The following TPP2 variants were observed in gnomAD, a reference collection of about 807,000 sequenced individuals.
TPP2 encodes the protein tripeptidyl peptidase 2.
Under a neutral mutation model 155.9 loss-of-function variants are expected in TPP2, and 34 were observed. The observed-to-expected ratio is 0.22, with a 90% CI of 0.17 to 0.29. TPP2 has a LOEUF of 0.29. Ranked by LOEUF, TPP2 falls within the 10% of genes least tolerant of loss-of-function variation. The pLI, the probability that TPP2 is intolerant of heterozygous loss-of-function variation, is 1.00. For missense variants in TPP2, 1,028 were observed against 1,522.3 expected (o/e 0.68, Z 5.40); for synonymous variants, 510 against 529.4 (o/e 0.96, Z 0.50).
rs375925353 is a variant in TPP2 at position 102,597,130 on chromosome 13, C to T, written c.92C>T (p.Pro31Leu). The change falls in exon 1 of 30, where the codon CCG becomes CTG. Residue 31 changes from proline to leucine, a missense_variant. Pro to Leu is a moderately conservative substitution (Grantham distance 98). Transcript: ENST00000376052. ...GCCGCCTCCTTCCTCTGCCGCTACCCGGAGTATGATGGGCGGGGGGTGCTC... is the reference window on the plus strand; with the variant it reads ...GCCGCCTCCTTCCTCTGCCGCTACCTGGAGTATGATGGGCGGGGGGTGCTC... ...TGAASFLCRY[P>L]EYDGRGVLIA... 1.6e-4 allele frequency: 265 copies of T among 1,610,440 alleles called. No homozygotes were observed. In the Admixed American group the frequency reaches 1.7e-3, roughly 10 times the overall value.
intron 6 of TPP2, among the ~76,000 whole-genome samples, chr13:102,624,043 G>A (rs1881370161): frequency 1.3e-5 from 2 of 152,098 alleles, no homozygotes; most frequent in South Asian, 2.1e-4. Context: ...ACAGAGGGCC[G>A]AATGTATTAT....
At chr13:102,638,450 A>G (rs1253244401) in intron 15 of TPP2, 135 bp downstream of exon 15, 10 of 930,862 alleles carry the variant, frequency 1.1e-5, no homozygotes, top group Admixed American at 4.1e-5. Context: ...GCTCCCAGCT[A>G]GCATTTTTAG....
intron 24 of TPP2, among the ~76,000 whole-genome samples, chr13:102,653,892 G>T (rs1883673352): frequency 6.6e-6 from 1 of 152,180 alleles, no homozygotes; most frequent in Non-Finnish European, 1.5e-5. Context: ...GGTTTGGCAG[G>T]TGAGTTTGAC....
intron 27 of TPP2, among the ~76,000 whole-genome samples, chr13:102,667,520 A>G (rs1039476389): frequency 1.3e-5 from 2 of 152,228 alleles, no homozygotes; most frequent in Non-Finnish European, 1.5e-5. Flanking sequence ...TTAAATAAAT[A>G]TTTCAAATTG....
intron 27 of TPP2, among the ~76,000 whole-genome samples, chr13:102,673,963 G>A (rs661577): frequency 0.81 from 123,781 of 152,212 alleles, 50,803 homozygotes; most frequent in African/African-American, 0.9. Context: ...CTCAAAAGTC[G>A]TTTACCTGAT....
chr13:102,665,038 A>G, intron 27 of TPP2, 113 bp downstream of exon 27: 8 of 1,293,840 alleles, frequency 6.2e-6, no homozygotes, highest in Non-Finnish European at 7.4e-6. Context: ...TTATATCCTT[A>G]TAATGGGAAT....
At chr13:102,646,236 A>G in intron 19 of TPP2, 58 bp from the exon 20 acceptor site, 1 of 1,433,286 alleles carries the variant, frequency 7.0e-7, no homozygotes. Context: ...ATATGGTTTT[A>G]TTTGTCTCAT....
intron 15 of TPP2, among the ~76,000 whole-genome samples, chr13:102,638,599 T>C (rs1882546075): frequency 6.6e-6 from 1 of 152,174 alleles, no homozygotes; most frequent in African/African-American, 2.4e-5. Flanking sequence ...AGAGGATAAC[T>C]CAGGCTTCGT....
At chr13:102,636,420 C>A in intron 13 of TPP2, 28 bp downstream of exon 13, 1 of 1,592,042 alleles carries the variant, frequency 6.3e-7, no homozygotes, top group Non-Finnish European at 8.5e-7. Context: ...AGTAAGCTGA[C>A]GTATTCACAT....
At chr13:102,634,156 A>G in intron 11 of TPP2, 58 bp downstream of exon 11, 1 of 1,603,922 alleles carries the variant, frequency 6.2e-7, no homozygotes, top group East Asian at 2.2e-5. Flanking sequence ...TGTTTTCTGA[A>G]GCTCTCATGG....
At chr13:102,647,168 T>C (rs1405731094) in intron 20 of TPP2, 39 bp from the exon 21 acceptor site, 2 of 1,553,014 alleles carry the variant, frequency 1.3e-6, no homozygotes, top group East Asian at 2.3e-5. Flanking sequence ...AGAAATTATA[T>C]GCAAATCATG....
chr13:102,609,826 G>A (rs752345964), intron 2 of TPP2, among the ~76,000 whole-genome samples: 7 of 152,064 alleles, frequency 4.6e-5, no homozygotes, highest in African/African-American at 7.2e-5. Flanking sequence ...GTTATATTTC[G>A]ACATGCGATT....
intron 27 of TPP2, among the ~76,000 whole-genome samples, chr13:102,672,607 T>C (rs1885051976): frequency 6.6e-6 from 1 of 152,146 alleles, no homozygotes; most frequent in Admixed American, 6.5e-5. Context: ...GTCAACCCAT[T>C]GCTGTTCCAA....
intron 16 of TPP2, among the ~76,000 whole-genome samples, chr13:102,641,844 A>T (rs1478029752): frequency 6.6e-6 from 1 of 152,186 alleles, no homozygotes; most frequent in African/African-American, 2.4e-5. Flanking sequence ...ACACTCATTC[A>T]TTAAGCATAT....
At chr13:102,625,386 G>T (rs957280156) in intron 6 of TPP2, among the ~76,000 whole-genome samples, 20 of 134,332 alleles carry the variant, frequency 1.5e-4, no homozygotes, top group Admixed American at 3.0e-4. Flanking sequence ...GGATGGTCTC[G>T]ATCTCCTGAC....
At chr13:102,644,857 A>T in intron 18 of TPP2, 52 bp from the exon 19 acceptor site, 1 of 1,591,662 alleles carries the variant, frequency 6.3e-7, no homozygotes, top group South Asian at 1.1e-5. Flanking sequence ...GGTACAAAAT[A>T]TTGCTTATTT....
intron 3 of TPP2, among the ~76,000 whole-genome samples, chr13:102,615,265 C>A (rs1880632916): frequency 1.3e-5 from 2 of 152,106 alleles, no homozygotes; most frequent in Non-Finnish European, 2.9e-5. Flanking sequence ...ACCTCCTGGG[C>A]AATCCTCCCA....
At chr13:102,625,833 T>G (rs1881582142) in intron 6 of TPP2, among the ~76,000 whole-genome samples, 1 of 152,216 alleles carries the variant, frequency 6.6e-6, no homozygotes, top group Non-Finnish European at 1.5e-5. Flanking sequence ...CCCCAAACAT[T>G]AAGGCCCAGT....
intron 3 of TPP2, 93 bp downstream of exon 3, chr13:102,614,289 A>G: frequency 3.5e-6 from 4 of 1,156,652 alleles, no homozygotes; most frequent in Non-Finnish European, 4.8e-6. Context: ...AATATTTCAT[A>G]AAATCTCATT....
Sources: allele counts gnomAD v4.1 joint callset (sites outside exome capture counted in the v4.1 genomes callset), GRCh38; gene constraint gnomAD v4.1.1; transcripts MANE v1.5; gene names NCBI Gene and HGNC (gene_info 2026-07-23, HGNC 2026-07-21).